PTK2B: variants seen among roughly 807,000 people sequenced by gnomAD.
PTK2B encodes protein-tyrosine kinase 2-beta.
In PTK2B, 71 loss-of-function variants were observed where a neutral mutation model predicts 142.9. The observed-to-expected ratio is 0.50, with a 90% CI of 0.41 to 0.61. The LOEUF (loss-of-function observed/expected upper bound fraction) is 0.61. PTK2B is among the 20% of genes least tolerant of loss of function. The pLI, the probability that PTK2B is intolerant of heterozygous loss-of-function variation, is 0.00. For synonymous variants in PTK2B, 519 were observed against 503.4 expected (o/e 1.03, Z -0.42); for missense variants, 1,105 against 1,320.4 (o/e 0.84, Z 2.53).
chr8:27,381,551 TGATGGG>T (rs1227993315), intron 1 of PTK2B, among the ~76,000 whole-genome samples: 3 of 152,248 alleles, frequency 2.0e-5, no homozygotes, highest in Non-Finnish European at 4.4e-5. Flanking sequence ...CTCCATCTGT[TGATGGG>T]CACTTCGGTT....
chr8:27,431,965 C>A, intron 9 of PTK2B: 1 of 350,776 alleles, frequency 2.9e-6, no homozygotes, highest in African/African-American at 2.1e-5. Flanking sequence ...CGTAAACTTT[C>A]TTAAAACATG....
chr8:27,442,269 A>G lies in PTK2B; in HGVS notation c.2040-606A>G, dbSNP rs140036169. 3.5e-3 allele frequency among the ~76,000 whole-genome samples: 536 copies of G among 152,342 alleles called. 9 individuals carry two copies. The highest frequency in any genetic ancestry group is 0.012 in the African/African-American group (504 of 41,568). ...TATCAAGTGTCACATATTCAGTAGT[A>G]TATAATACTTGCTACCCATATGAAC... On this transcript the variant is annotated intron_variant, in intron 21 of 30. Coordinates refer to ENST00000346049, the MANE Select transcript of PTK2B (RefSeq NM_173176.3).
chr8:27,421,589 A>G (rs1453635911), intron 4 of PTK2B, among the ~76,000 whole-genome samples: 1 of 152,220 alleles, frequency 6.6e-6, no homozygotes, highest in African/African-American at 2.4e-5. Context: ...CACTTAGAAT[A>G]ATGGTCTCCA....
intron 2 of PTK2B, among the ~76,000 whole-genome samples, chr8:27,412,328 A>G (rs1033553031): frequency 6.6e-6 from 1 of 152,190 alleles, no homozygotes; most frequent in African/African-American, 2.4e-5. Context: ...TGAGGCTAGC[A>G]GGGACCCACC....
intron 2 of PTK2B, among the ~76,000 whole-genome samples, chr8:27,418,254 C>G (rs1809523531): frequency 6.6e-6 from 1 of 152,174 alleles, no homozygotes; most frequent in African/African-American, 2.4e-5. Context: ...TCCCTGGAGT[C>G]CAGAAGGGCT....
chr8:27,339,109 C>T (rs1804241926), intron 1 of PTK2B, among the ~76,000 whole-genome samples: 1 of 152,186 alleles, frequency 6.6e-6, no homozygotes, highest in South Asian at 2.1e-4. Flanking sequence ...TATCATCTTC[C>T]TTTAAAAATG....
chr8:27,349,414 C>A (rs573494753), intron 1 of PTK2B, among the ~76,000 whole-genome samples: 1 of 152,182 alleles, frequency 6.6e-6, no homozygotes, highest in Non-Finnish European at 1.5e-5. Context: ...TCAGAGAACC[C>A]GTTAAATATC....
rs147869167 is a variant in PTK2B, at chr8:27,384,589, A to G, written c.-37-12959A>G. Among the ~76,000 whole-genome samples, 1,123 of 152,344 alleles carry G rather than the reference A, an allele frequency of 7.4e-3. 17 individuals carry two copies. The highest frequency in any genetic ancestry group is 0.026 in the African/African-American group (1,073 of 41,574). ...AGTGTTTTCACTACAAACACAAGAA[A>G]AGGTAACTGTGTGGAGATGAATATG... On this transcript the variant is annotated intron_variant, in intron 1 of 30. Coordinates refer to ENST00000346049, the MANE Select transcript of PTK2B (RefSeq NM_173176.3).
In PTK2B at chr8:27,451,071, C is replaced by A. The variant is rs779248390; in HGVS notation, c.2516C>A (p.Ser839Tyr). ...CCCATGGTTTATATGAATGATAAGT[C>A]CCCATTGGTGAGTTGCCAGGAGAGG... The part of the protein sequence containing the change: ...LDPMVYMNDK[S>Y]PLTPEKEVGY... Residue 839 changes from serine to tyrosine, a missense_variant, in exon 26 of 31, where the codon TCC (serine) becomes TAC (tyrosine). By Grantham distance (144) the Ser-to-Tyr change is moderately radical (BLOSUM62 -2). Transcript: ENST00000346049. The A allele has an allele frequency of 1.2e-6, 2 of 1,612,452 alleles. No individual in the cohort carries two copies. The highest frequency in any genetic ancestry group is 2.2e-5 in the South Asian group (2 of 91,044).
intron 1 of PTK2B, among the ~76,000 whole-genome samples, chr8:27,350,987 AAAAATATATATAT>A (rs1563210642): frequency 1.2e-4 from 2 of 17,156 alleles, no homozygotes; most frequent in South Asian, 2.1e-3. Context: ...AAAAAAAAAA[AAAAATATATATAT>A]ATATATATAT....
At chr8:27,453,766 CAGG>C (rs1811968127) in intron 28 of PTK2B, among the ~76,000 whole-genome samples, 1 of 152,074 alleles carries the variant, frequency 6.6e-6, no homozygotes, top group Non-Finnish European at 1.5e-5. Context: ...GCCTGCTACT[CAGG>C]AGACTGAGGC....
intron 1 of PTK2B, among the ~76,000 whole-genome samples, chr8:27,329,075 T>C (rs4732719): frequency 0.68 from 103,703 of 151,548 alleles, 36,184 homozygotes; most frequent in Middle Eastern, 0.76. Flanking sequence ...GTAGCTGGGA[T>C]TACAGGCACG....
intron 14 of PTK2B, 98 bp downstream of exon 14, chr8:27,435,891 TTTATCCTCCC>T: frequency 7.1e-7 from 1 of 1,410,928 alleles, no homozygotes; most frequent in Middle Eastern, 1.8e-4. Flanking sequence ...CTTTTCCTCC[TTTATCCTCCC>T]TTCGTGCTAG....
In PTK2B at chr8:27,453,161, G is replaced by A. The variant is rs754753243; in HGVS notation, c.2595+1G>A. ...GAAGCCCCCGAGGCTGGGCGCACAG[G>A]TATGTGTTGGCTCTGCTGAAACTGA... On this transcript the variant is annotated splice_donor_variant, in intron 28 of 30. Transcript: ENST00000346049. LOFTEE classifies it high-confidence loss of function. 6.2e-7 allele frequency: 1 copy of A among 1,614,176 alleles called. No individual in the cohort carries two copies.
chr8:27,419,413 T>C (rs1196272551), intron 2 of PTK2B, among the ~76,000 whole-genome samples: 1 of 152,198 alleles, frequency 6.6e-6, no homozygotes, highest in African/African-American at 2.4e-5. Context: ...GTGGGACATA[T>C]ATTAGTTTCT....
chr8:27,382,143 T>C (rs1326447831), intron 1 of PTK2B, among the ~76,000 whole-genome samples: 4 of 152,198 alleles, frequency 2.6e-5, no homozygotes, highest in African/African-American at 9.6e-5. Flanking sequence ...AGAGGGGCTT[T>C]CCCCATGTTG....
intron 2 of PTK2B, among the ~76,000 whole-genome samples, chr8:27,415,341 A>G (rs991608985): frequency 1.3e-4 from 20 of 152,196 alleles, no homozygotes; most frequent in Admixed American, 1.3e-3. Context: ...TCAGTTATCC[A>G]TGACTTAAAA....
At chr8:27,443,606 CTCT>C (rs1192699073) in intron 22 of PTK2B, among the ~76,000 whole-genome samples, 2 of 152,156 alleles carry the variant, frequency 1.3e-5, no homozygotes, top group South Asian at 2.1e-4. Context: ...GTCTTTCTTT[CTCT>C]TCTTATAAGG....
chr8:27,388,889 G>A (rs1263609357), intron 1 of PTK2B, among the ~76,000 whole-genome samples: 1 of 152,152 alleles, frequency 6.6e-6, no homozygotes, highest in Non-Finnish European at 1.5e-5. Context: ...GCTTTTCCAT[G>A]GATGATGTTC....
Sources: allele counts gnomAD v4.1 joint callset (sites outside exome capture counted in the v4.1 genomes callset), GRCh38; gene constraint gnomAD v4.1.1; transcripts MANE v1.5; gene names NCBI Gene and HGNC (gene_info 2026-07-23, HGNC 2026-07-21).